SPINT1: variants seen among roughly 807,000 people sequenced by gnomAD.
The protein encoded by SPINT1 is serine peptidase inhibitor, Kunitz type 1, also known as kunitz-type protease inhibitor 1.
SPINT1 carries 38 observed loss-of-function variants against 53.7 expected under a neutral mutation model. The observed-to-expected ratio is 0.71, with a 90% CI of 0.55 to 0.93. SPINT1 has a LOEUF of 0.93. Among genes scored for constraint, SPINT1 ranks in the 40% least tolerant of loss-of-function variants. The pLI is 0.00. For missense variants in SPINT1, 645 were observed against 692.9 expected (o/e 0.93, Z 0.78); for synonymous variants, 283 against 280.6 (o/e 1.01, Z -0.08).
At chr15:40,853,456 G>C (rs778030782) in intron 3 of SPINT1, 33 bp from the exon 4 acceptor site, 1 of 1,613,838 alleles carries the variant, frequency 6.2e-7, no homozygotes, top group African/African-American at 1.3e-5. Context: ...GCATCAGGGG[G>C]TGCCCAAGCC....
Position 40,854,561 on chromosome 15 carries a change from G to A in SPINT1, c.1066+39G>A, listed in dbSNP as rs776247587. On this transcript the variant is annotated intron_variant, in intron 7 of 10. Transcript: ENST00000562057. ...GATAGAGGGGGTTGGGCAGCAGACA[G>A]GGAGGTCCTGACAGCCTTGCCCTGA... 2.5e-6 allele frequency: 4 copies of A among 1,613,654 alleles called. No homozygotes were observed. The Admixed American group carries it at 5.0e-5, about 20-fold the overall frequency.
chr15:40,850,269 T>C (rs1284659553), intron 2 of SPINT1, among the ~76,000 whole-genome samples: 1 of 152,110 alleles, frequency 6.6e-6, no homozygotes, highest in African/African-American at 2.4e-5. Context: ...ATGGAGTTTC[T>C]CCATGTTGGT....
At position 40,844,906 on chromosome 15, in the gene SPINT1, CTCA is replaced by C; in HGVS notation, c.356_358del (p.Ile119del). 6.2e-7 allele frequency: 1 copy of C among 1,614,068 alleles called. No individual in the cohort carries two copies. Among genetic ancestry groups the C allele is most frequent in the Non-Finnish European group, 8.5e-7 (1 of 1,180,044 alleles). On this transcript the variant is annotated inframe_deletion, in exon 2 of 11. Transcript: ENST00000562057. The surrounding 1 kb of genome is among the most constrained non-coding windows in gnomAD (Gnocchi z 5.8). The stretch of plus-strand genomic sequence containing the variant: ...GGAGGACGCCATCGCCGCCTGCTTC[CTCA>C]TCAACTGCCTCTACGAGCAGAACTT...
At chr15:40,856,510 G>A (rs60125661) in intron 10 of SPINT1, among the ~76,000 whole-genome samples, 187 bp downstream of exon 10, 3,584 of 152,180 alleles carry the variant, frequency 0.024, 173 homozygotes, top group East Asian at 0.18. Flanking sequence ...AGTGCGTGCC[G>A]ATGTCTGTCA....
rs1566850843 is a variant in SPINT1, at chr15:40,844,472, C to T, written c.-65-18C>T. ...TGATCAGGTGTGTCTCCTCCTCTGT[C>T]CCCTCCCTTCTTCTCAGGTCACCAG... On this transcript the variant is annotated intron_variant, in intron 1 of 10. Transcript: ENST00000562057. The surrounding 1 kb of genome is among the most constrained non-coding windows in gnomAD (Gnocchi z 5.8). The T allele has an allele frequency of 1.5e-6, 2 of 1,365,348 alleles. No individual in the cohort carries two copies. The highest frequency in any genetic ancestry group is 2.3e-5 in the East Asian group (1 of 43,314). 84.6% of individuals were successfully genotyped at this position (1,365,348 alleles called of 1,614,324 possible).
intron 3 of SPINT1, 57 bp from the exon 4 acceptor site, chr15:40,853,432 G>C: frequency 6.2e-7 from 1 of 1,613,220 alleles, no homozygotes; most frequent in Non-Finnish European, 8.5e-7. Context: ...GGCCAGGCCT[G>C]GGGCAGCCCA....
Position 40,853,628 on chromosome 15 carries a change from G to A in SPINT1, c.742+1G>A. On this transcript the variant is annotated splice_donor_variant, in intron 4 of 10. Transcript: ENST00000562057. LOFTEE classifies it high-confidence loss of function. ...GTGCTGTCCACCAAGCAGACAGAAG[G>A]TGAGGGAGGGGTGAGGAGCAGCACC... is the stretch of plus-strand genomic sequence containing the variant. The A allele has an allele frequency of 6.2e-7, 1 of 1,614,008 alleles. No homozygotes were observed. The highest frequency in any genetic ancestry group is 8.5e-7 in the Non-Finnish European group (1 of 1,179,946).
chr15:40,844,208 A>T lies in SPINT1; in HGVS notation c.-66+22A>T. 3 of 398,262 alleles carry T rather than the reference A, an allele frequency of 7.5e-6. No homozygotes were observed. Among genetic ancestry groups the T allele is most frequent in the Non-Finnish European group, 1.4e-5 (3 of 212,208 alleles). The allele number at this position is 398,262 out of a possible 1,614,324, so 24.7% of individuals were successfully genotyped here. ...GCAGGTAACCCGGGCCCCCGCGCGC[A>T]AGGCCGAGGCGCAGGCGGAGCGGGC... On this transcript the variant is annotated intron_variant, in intron 1 of 10. Transcript: ENST00000562057. This position sits in a 1 kb window ranked among gnomAD's most constrained non-coding sequence, Gnocchi z 5.8.
In SPINT1 at chr15:40,855,973, G is replaced by A. The variant is rs1282171170; in HGVS notation, c.1199G>A (p.Cys400Tyr). 1.9e-6 allele frequency: 3 copies of A among 1,614,214 alleles called. No individual in the cohort carries two copies. Among genetic ancestry groups the A allele is most frequent in the Non-Finnish European group, 2.5e-6 (3 of 1,180,042 alleles). Residue 400 changes from cysteine to tyrosine, a missense_variant, in exon 9 of 11, where the codon TGC becomes TAC. Transcript: ENST00000562057. Reference protein sequence around the residue: ...RWYYNPFSEHCARFTYGGCYG... With the variant: ...RWYYNPFSEHYARFTYGGCYG... ...TACTACAACCCCTTCAGCGAACACT[G>A]CGCCCGCTTTACCTATGGTGGTTGT...
chr15:40,851,893 C>T (rs530558804), intron 2 of SPINT1, among the ~76,000 whole-genome samples: 44 of 152,278 alleles, frequency 2.9e-4, no homozygotes, highest in Middle Eastern at 3.4e-3. Flanking sequence ...TGGTTGTGCA[C>T]ACCTGTAATC....
At chr15:40,851,198 G>A (rs1207067288) in intron 2 of SPINT1, among the ~76,000 whole-genome samples, 1 of 150,952 alleles carries the variant, frequency 6.6e-6, no homozygotes, top group Non-Finnish European at 1.5e-5. Context: ...TCTGTTGCCA[G>A]GCTGGAGTGC....
Position 40,844,208 on chromosome 15 carries a change from AAGGCCG to A in SPINT1, c.-66+27_-66+32del, listed in dbSNP as rs1891191796. The A allele has an allele frequency of 2.5e-6, 1 of 398,140 alleles. No individual in the cohort carries two copies. The highest frequency in any genetic ancestry group is 4.7e-6 in the Non-Finnish European group (1 of 212,216). 24.7% of individuals were successfully genotyped at this position (398,140 alleles called of 1,614,324 possible). On this transcript the variant is annotated intron_variant, in intron 1 of 10. Transcript: ENST00000562057. This position sits in a 1 kb window ranked among gnomAD's most constrained non-coding sequence, Gnocchi z 5.8. Reference sequence around the variant, plus strand: ...GCAGGTAACCCGGGCCCCCGCGCGCAAGGCCGAGGCGCAGGCGGAGCGGGCTGGAGC... The same window carrying A: ...GCAGGTAACCCGGGCCCCCGCGCGCAAGGCGCAGGCGGAGCGGGCTGGAGC...
Position 40,844,763 on chromosome 15 carries a change from G to A in SPINT1, c.209G>A (p.Ser70Asn). 6.2e-7 allele frequency: 1 copy of A among 1,611,876 alleles called. No homozygotes were observed. The change falls in exon 2 of 11, where the codon AGC (serine) becomes AAC (asparagine). Residue 70 changes from serine (S) to asparagine (N), a missense_variant. Coordinates refer to ENST00000562057, the MANE Select transcript of SPINT1 (RefSeq NM_003710.4). This position sits in a 1 kb window ranked among gnomAD's most constrained non-coding sequence, Gnocchi z 5.8. ...GFVLDTNASV[S>N]NGATFLESPT... ...GTGCTGGACACCAACGCCTCGGTCA[G>A]CAACGGAGCTACCTTCCTGGAGTCC... is the stretch of plus-strand genomic sequence containing the variant.
intron 2 of SPINT1, among the ~76,000 whole-genome samples, chr15:40,845,317 A>ATTTT (rs1566852110): frequency 1.3e-5 from 1 of 79,648 alleles, no homozygotes; most frequent in African/African-American, 5.2e-5. Flanking sequence ...AGACCCGGCT[A>ATTTT]ATTTTTTTTT....
chr15:40,846,793 G>A (rs560229637), intron 2 of SPINT1, among the ~76,000 whole-genome samples: 3 of 152,172 alleles, frequency 2.0e-5, no homozygotes, highest in African/African-American at 7.2e-5. Flanking sequence ...TATCCTTCCA[G>A]TAGCTCTCCT....
intron 3 of SPINT1, 75 bp from the exon 4 acceptor site, chr15:40,853,413 TG>T: frequency 6.2e-7 from 1 of 1,610,892 alleles, no homozygotes; most frequent in Non-Finnish European, 8.5e-7. Flanking sequence ...GGGGTGTGGG[TG>T]TGTGTCTGGC....
chr15:40,852,331 C>A, intron 2 of SPINT1, among the ~76,000 whole-genome samples: 1 of 152,152 alleles, frequency 6.6e-6, no homozygotes, highest in East Asian at 1.9e-4. Flanking sequence ...ATCTGGAGAT[C>A]CTAATTACTT....
chr15:40,856,768 A>G lies in SPINT1; in HGVS notation c.1337-2A>G. 2 of 1,614,052 alleles carry G rather than the reference A, an allele frequency of 1.2e-6. No individual in the cohort carries two copies. Among genetic ancestry groups the G allele is most frequent in the Non-Finnish European group, 1.7e-6 (2 of 1,180,012 alleles). ...CCCTTATTCTACCCCTTCTTCCCCC[A>G]GGCTCTGTGGAGATGGCTGTCGCAG... is the stretch of plus-strand genomic sequence containing the variant. On this transcript the variant is annotated splice_acceptor_variant, in intron 10 of 10. Transcript: ENST00000562057. LOFTEE classifies it high-confidence loss of function.
chr15:40,855,624 CTG>C (rs1389108380), intron 8 of SPINT1, among the ~76,000 whole-genome samples: 1 of 152,218 alleles, frequency 6.6e-6, no homozygotes, highest in Non-Finnish European at 1.5e-5. Flanking sequence ...TGTTGGAAAA[CTG>C]AGACCGTGAC....
Sources: allele counts gnomAD v4.1 joint callset (sites outside exome capture counted in the v4.1 genomes callset), GRCh38; gene constraint gnomAD v4.1.1; non-coding constraint Gnocchi (gnomAD v3.1); transcripts MANE v1.5; gene names NCBI Gene and HGNC (gene_info 2026-07-23, HGNC 2026-07-21).